MAST2: variants seen among roughly 807,000 people sequenced by gnomAD.
The protein encoded by MAST2 is microtubule associated serine/threonine kinase 2, also known as microtubule-associated serine/threonine-protein kinase 2.
In MAST2, 70 loss-of-function variants were observed where a neutral mutation model predicts 147.4. The ratio of observed to expected loss-of-function variants is 0.47; its 90% CI spans 0.39 to 0.58. The LOEUF is 0.58. Ranked by LOEUF, MAST2 falls within the 20% of genes least tolerant of loss-of-function variation. The probability of loss-of-function intolerance (pLI) is 0.00; values close to 1 mark genes in which losing one functional copy is unlikely to be tolerated. For missense variants in MAST2, 2,080 were observed against 2,302.3 expected, an observed-to-expected ratio of 0.90 and a Z score of 1.98; for synonymous variants, 869 against 896.8, an observed-to-expected ratio of 0.97 and a Z score of 0.55.
At chr1:45,901,228 A>G (rs1570625009) in intron 4 of MAST2, among the ~76,000 whole-genome samples, 1 of 152,198 alleles carries the variant, frequency 6.6e-6, no homozygotes, top group East Asian at 1.9e-4. Flanking sequence ...TGGCTAGCCA[A>G]TTTTCCCAGC....
At chr1:45,899,540 A>G (rs775091539) in intron 4 of MAST2, among the ~76,000 whole-genome samples, 1 of 151,896 alleles carries the variant, frequency 6.6e-6, no homozygotes, top group African/African-American at 2.4e-5. Flanking sequence ...GCTCTCACTT[A>G]TAAGTGAGTA....
chr1:46,025,797 G>A lies in MAST2; in HGVS notation c.1901G>A (p.Arg634His), dbSNP rs1249699555. 19 of 1,614,040 alleles carry A rather than the reference G, an allele frequency of 1.2e-5. No homozygotes were observed. The highest frequency in any genetic ancestry group is 4.5e-5 in the East Asian group (2 of 44,892). The change falls in exon 16 of 29, where the codon CGT becomes CAT. Residue 634 changes from arginine (R) to histidine (H), a missense_variant. Physicochemically the swap from Arg to His is conservative, Grantham distance 29 (BLOSUM62 0). Around this residue, in one of 4 missense-constraint regions of MAST2, gnomAD observed 209 missense variants for 309.5 expected, o/e 0.68. Transcript: ENST00000361297. Reference protein sequence around the residue: ...EYLHNYGIVHRDLKPDNLLIT... With the variant: ...EYLHNYGIVHHDLKPDNLLIT... ...TTACACAACTATGGCATCGTGCACCGTGACCTCAAGCCTGACAAGTATGTC... is the reference window on the plus strand; with the variant it reads ...TTACACAACTATGGCATCGTGCACCATGACCTCAAGCCTGACAAGTATGTC...
At chr1:45,892,139 T>C (rs1647902739) in intron 4 of MAST2, among the ~76,000 whole-genome samples, 1 of 152,230 alleles carries the variant, frequency 6.6e-6, no homozygotes, top group Non-Finnish European at 1.5e-5. Flanking sequence ...TCAGGCAAGC[T>C]CTTTGTTGGA....
intron 4 of MAST2, among the ~76,000 whole-genome samples, chr1:45,895,848 C>T (rs920786732): frequency 1.3e-5 from 2 of 152,060 alleles, no homozygotes; most frequent in South Asian, 2.1e-4. Context: ...TAACACTGCA[C>T]ATGTCTATGT....
rs4660907 is a variant in MAST2 at position 46,007,764 on chromosome 1, T to C, written c.903-532T>C. ...ACAATAAATTAAGGCAGAAAACATA[T>C]CGGCTGCCTTCAGTAAATCACCCAG... On this transcript the variant is annotated intron_variant, in intron 8 of 28. Transcript: ENST00000361297. 2.2e-3 allele frequency among the ~76,000 whole-genome samples: 340 copies of C among 152,226 alleles called. 3 individuals carry two copies. The highest frequency in any genetic ancestry group is 0.019 in the Admixed American group (285 of 15,282).
intron 4 of MAST2, among the ~76,000 whole-genome samples, chr1:45,903,910 T>A (rs1650220540): frequency 6.6e-6 from 1 of 152,186 alleles, no homozygotes; most frequent in Non-Finnish European, 1.5e-5. Flanking sequence ...TAAATGTGTA[T>A]TGTTTTAGGT....
chr1:45,977,822 G>A (rs902295043), intron 5 of MAST2, among the ~76,000 whole-genome samples: 2 of 145,344 alleles, frequency 1.4e-5, no homozygotes, highest in African/African-American at 5.1e-5. Context: ...AAAAAGTTCT[G>A]GTTATCAAAA....
chr1:45,861,504 A>C (rs1645981144), intron 3 of MAST2, among the ~76,000 whole-genome samples: 1 of 151,996 alleles, frequency 6.6e-6, no homozygotes. Flanking sequence ...ATAATGTGGA[A>C]GCTTCTTTAG....
At chr1:45,909,944 C>T (rs1351011929) in intron 4 of MAST2, among the ~76,000 whole-genome samples, 8 of 152,174 alleles carry the variant, frequency 5.3e-5, no homozygotes, top group Admixed American at 3.3e-4. Flanking sequence ...AGGCTGGTCT[C>T]GAGTTCCTGG....
At chr1:45,997,332 G>C (rs1243992560) in intron 5 of MAST2, among the ~76,000 whole-genome samples, 1 of 152,162 alleles carries the variant, frequency 6.6e-6, no homozygotes, top group Non-Finnish European at 1.5e-5. Flanking sequence ...GAAACTTTTG[G>C]ATTAGGGGTC....
chr1:46,013,474 A>T (rs1037809567), intron 10 of MAST2, among the ~76,000 whole-genome samples: 1 of 152,170 alleles, frequency 6.6e-6, no homozygotes, highest in African/African-American at 2.4e-5. Context: ...TGAGGTCGGG[A>T]GTTCCAGACC....
At chr1:45,836,528 CAA>C (rs1184660678) in intron 3 of MAST2, among the ~76,000 whole-genome samples, 1 of 151,986 alleles carries the variant, frequency 6.6e-6, no homozygotes, top group African/African-American at 2.4e-5. Flanking sequence ...TTCACGAGTT[CAA>C]AGAGGAAAAA....
At chr1:45,998,178 G>A (rs1445447399) in intron 6 of MAST2, among the ~76,000 whole-genome samples, 4 of 152,164 alleles carry the variant, frequency 2.6e-5, no homozygotes, top group Non-Finnish European at 5.9e-5. Context: ...CCTCCAGGAG[G>A]ACCCAAAGTT....
chr1:45,953,857 A>C (rs541459250), intron 4 of MAST2, among the ~76,000 whole-genome samples: 74 of 152,322 alleles, frequency 4.9e-4, no homozygotes, highest in Admixed American at 1.8e-3. Flanking sequence ...CAGGTAAGCA[A>C]TAAATAATAT....
At chr1:45,820,697 G>A (rs1014315126) in intron 1 of MAST2, among the ~76,000 whole-genome samples, 2 of 151,898 alleles carry the variant, frequency 1.3e-5, no homozygotes, top group African/African-American at 4.8e-5. Flanking sequence ...CTTTGCTGGG[G>A]ATCTTTATTT....
At chr1:45,807,748 G>A (rs951318574) in intron 1 of MAST2, among the ~76,000 whole-genome samples, 1 of 151,996 alleles carries the variant, frequency 6.6e-6, no homozygotes, top group Non-Finnish European at 1.5e-5. Flanking sequence ...CACCATGTTG[G>A]CCAGGCTGAT....
Position 46,008,411 on chromosome 1 carries a change from G to A in MAST2, c.978+40G>A, listed in dbSNP as rs371202717. 1.2e-5 allele frequency: 18 copies of A among 1,445,642 alleles called. 1 individual carries two copies. The highest frequency in any genetic ancestry group is 4.6e-5 in the South Asian group (4 of 87,312). The allele number at this position is 1,445,642 out of a possible 1,614,324, so 89.6% of individuals were successfully genotyped here. On this transcript the variant is annotated intron_variant, in intron 9 of 28. Transcript: ENST00000361297. ...AAAAGGAGAGTGGCAATACCCCTCCGGGTGGCTGCCTACAGCCAGCCCCAA... is the reference window on the plus strand; with the variant it reads ...AAAAGGAGAGTGGCAATACCCCTCCAGGTGGCTGCCTACAGCCAGCCCCAA...
At chr1:45,837,923 C>T (rs142112311) in intron 3 of MAST2, among the ~76,000 whole-genome samples, 43 of 152,176 alleles carry the variant, frequency 2.8e-4, no homozygotes, top group South Asian at 1.0e-3. Context: ...AAATTACAGG[C>T]GCACGCCACC....
intron 5 of MAST2, among the ~76,000 whole-genome samples, chr1:45,973,124 C>T (rs1327088064): frequency 1.3e-5 from 2 of 152,024 alleles, no homozygotes; most frequent in African/African-American, 4.8e-5. Context: ...TCCAATTACT[C>T]TCTTCAGTTC....
Sources: allele counts gnomAD v4.1 joint callset (sites outside exome capture counted in the v4.1 genomes callset), GRCh38; gene constraint gnomAD v4.1.1; regional missense constraint gnomAD v4.1.1; transcripts MANE v1.5; gene names NCBI Gene and HGNC (gene_info 2026-07-23, HGNC 2026-07-21).